PHACTR2: variants seen among roughly 807,000 people sequenced by gnomAD.
PHACTR2 encodes the protein phosphatase and actin regulator 2.
PHACTR2 carries 30 observed loss-of-function variants against 76.0 expected under a neutral mutation model. The observed-to-expected ratio is 0.39, with a 90% confidence interval of 0.30 to 0.54. The LOEUF is 0.54. PHACTR2 is among the 20% of genes least tolerant of loss of function. The pLI is 0.61. For missense variants in PHACTR2, 696 were observed against 781.1 expected (o/e 0.89, Z 1.30); for synonymous variants, 292 against 292.5 (o/e 1.00, Z 0.02).
At position 143,809,166 on chromosome 6, in the gene PHACTR2, T is replaced by C. The variant is rs1776124193; in HGVS notation, c.1922+2033T>C. 6.6e-6 allele frequency among the ~76,000 whole-genome samples: 1 copy of C among 152,226 alleles called. No individual in the cohort carries two copies. The highest frequency in any genetic ancestry group is 2.1e-4 in the South Asian group (1 of 4,836). On this transcript the variant is annotated intron_variant, in intron 12 of 12. Transcript: ENST00000440869. The surrounding 1 kb of genome is among the most constrained non-coding windows in gnomAD (Gnocchi z 4.2). Reference sequence around the variant, plus strand: ...CTTATCTTCATTTGATAGCATGATATAAAGAACAAATTACAGTCAAAAGGA... The same window carrying C: ...CTTATCTTCATTTGATAGCATGATACAAAGAACAAATTACAGTCAAAAGGA...
chr6:143,579,083 T>G (rs1318730440), intron 1 of PHACTR2, among the ~76,000 whole-genome samples: 1 of 152,112 alleles, frequency 6.6e-6, no homozygotes, highest in African/African-American at 2.4e-5. Flanking sequence ...TTTGTGTTTT[T>G]TGTAGAGATA....
intron 2 of PHACTR2, among the ~76,000 whole-genome samples, chr6:143,745,760 G>A (rs1386356169): frequency 4.6e-5 from 7 of 152,256 alleles, no homozygotes; most frequent in Non-Finnish European, 1.5e-5. Flanking sequence ...TATCCGCATT[G>A]TGTGTTAAAT....
rs779354526 is a variant in PHACTR2 at position 143,580,674 on chromosome 6, A to AAAAAT, written c.217+43482_217+43486dup. On this transcript the variant is annotated intron_variant, in intron 1 of 11. Transcript: ENST00000367584. This position sits in a 1 kb window ranked among gnomAD's most constrained non-coding sequence, Gnocchi z 4.2. Reference sequence around the variant, plus strand: ...GGTGACAGAGCAAGACTCCGTCTCAAAAAATAAAATAAAATAAAACAATAA... The same window carrying AAAAAT: ...GGTGACAGAGCAAGACTCCGTCTCAAAAAATAAAATAAAATAAAATAAAACAATAA... Among the ~76,000 whole-genome samples the AAAAAT allele has an allele frequency of 3.9e-5, 6 of 152,222 alleles. No individual in the cohort carries two copies. The highest frequency in any genetic ancestry group is 7.3e-5 in the Non-Finnish European group (5 of 68,034).
At chr6:143,741,021 G>C (rs1331600514) in intron 2 of PHACTR2, among the ~76,000 whole-genome samples, 1 of 152,242 alleles carries the variant, frequency 6.6e-6, no homozygotes, top group African/African-American at 2.4e-5. Context: ...GCTGAGGCAG[G>C]CGGATCACTT....
rs1466598769 is a variant in PHACTR2 at position 143,788,777 on chromosome 6, G to T, written c.1712G>T (p.Ser571Ile). Residue 571 changes from serine to isoleucine, a missense_variant, in exon 11 of 13, where the codon AGC (serine) becomes ATC (isoleucine). Ser to Ile is a moderately radical substitution (Grantham distance 142). This residue lies in a region of PHACTR2 where 236 missense variants were observed against 330.2 expected (regional missense o/e 0.71). Transcript: ENST00000440869. ...TTTTTCCTTGTCCTCCTGCAGCTCAGCCTGAGACCCACAGTGGCAGAGCTA... is the reference window on the plus strand; with the variant it reads ...TTTTTCCTTGTCCTCCTGCAGCTCATCCTGAGACCCACAGTGGCAGAGCTA... ...ELKRRLSRKL[S>I]LRPTVAELQA... 6.2e-7 allele frequency: 1 copy of T among 1,610,834 alleles called. No homozygotes were observed. The highest frequency in any genetic ancestry group is 1.7e-5 in the Admixed American group (1 of 59,952).
intron 2 of PHACTR2, among the ~76,000 whole-genome samples, chr6:143,736,611 G>A (rs1778826832): frequency 9.4e-6 from 1 of 106,156 alleles, no homozygotes; most frequent in African/African-American, 3.8e-5. Flanking sequence ...GCCTTGCTCT[G>A]TCACCCAGGC....
intron 1 of PHACTR2, among the ~76,000 whole-genome samples, chr6:143,692,741 G>A (rs1777674594): frequency 6.6e-6 from 1 of 152,210 alleles, no homozygotes; most frequent in Non-Finnish European, 1.5e-5. Flanking sequence ...CTGAGGTGGA[G>A]GTGAGGTTGA....
rs565047882 is a variant in PHACTR2, at chr6:143,627,197, A to G, written c.13+18875A>G. Among the ~76,000 whole-genome samples the G allele has an allele frequency of 3.5e-4, 54 of 152,302 alleles. No individual in the cohort carries two copies. The highest frequency in any genetic ancestry group is 1.3e-3 in the African/African-American group (52 of 41,564). On this transcript the variant is annotated intron_variant, in intron 1 of 11. Transcript: ENST00000305766. This position sits in a 1 kb window ranked among gnomAD's most constrained non-coding sequence, Gnocchi z 4.3. ...TAGGGGAGGCTCCAAGGGTGATGATATTTGGGCTGGGATGTTTGAAGAACA... is the reference window on the plus strand; with the variant it reads ...TAGGGGAGGCTCCAAGGGTGATGATGTTTGGGCTGGGATGTTTGAAGAACA...
Position 143,821,279 on chromosome 6 carries a change from T to C in PHACTR2, c.1923-2395T>C, listed in dbSNP as rs928638768. Among the ~76,000 whole-genome samples the C allele has an allele frequency of 6.6e-5, 10 of 152,374 alleles. No individual in the cohort carries two copies. The South Asian group carries it at 2.1e-3, about 32-fold the overall frequency. On this transcript the variant is annotated intron_variant, in intron 12 of 12. Transcript: ENST00000440869. This position sits in a 1 kb window ranked among gnomAD's most constrained non-coding sequence, Gnocchi z 5.2. ...TTTGTAAAGCTTGGTATATCTTATT[T>C]TTCTTTTGACTTTTGTCAAACACAG... is the stretch of plus-strand genomic sequence containing the variant.
In PHACTR2 at chr6:143,583,035, A is replaced by C. The variant is rs938876936; in HGVS notation, c.217+45828A>C. Reference sequence around the variant, plus strand: ...CACCATTCACATACTTTAATTAGAAACATCATAATGAGTCTTTCTATTTTG... The same window carrying C: ...CACCATTCACATACTTTAATTAGAACCATCATAATGAGTCTTTCTATTTTG... On this transcript the variant is annotated intron_variant, in intron 1 of 11. Transcript: ENST00000367584. The surrounding 1 kb of genome is among the most constrained non-coding windows in gnomAD (Gnocchi z 4.0). 6.6e-6 allele frequency among the ~76,000 whole-genome samples: 1 copy of C among 152,258 alleles called. No homozygotes were observed. The highest frequency in any genetic ancestry group is 1.5e-5 in the Non-Finnish European group (1 of 68,044).
chr6:143,660,436 G>A (rs1776928827), intron 1 of PHACTR2, among the ~76,000 whole-genome samples: 1 of 152,166 alleles, frequency 6.6e-6, no homozygotes. Context: ...CACAAGAACA[G>A]CACAGGAAAG....
chr6:143,729,040 C>T (rs1425517070), intron 2 of PHACTR2, among the ~76,000 whole-genome samples: 1 of 152,094 alleles, frequency 6.6e-6, no homozygotes. Flanking sequence ...AAGCAGTCAA[C>T]AGAGTGAAGA....
At chr6:143,721,504 C>T (rs557274479) in intron 2 of PHACTR2, among the ~76,000 whole-genome samples, 1 of 152,284 alleles carries the variant, frequency 6.6e-6, no homozygotes, top group South Asian at 2.1e-4. Context: ...TCAACCCTGT[C>T]TCCAGCAGCC....
chr6:143,737,464 T>C (rs560805274), intron 2 of PHACTR2, among the ~76,000 whole-genome samples: 38 of 152,064 alleles, frequency 2.5e-4, no homozygotes, highest in Non-Finnish European at 4.6e-4. Context: ...GTATGAAATA[T>C]TCTATTATAT....
At chr6:143,736,147 T>C (rs1415357862) in intron 2 of PHACTR2, among the ~76,000 whole-genome samples, 1 of 152,098 alleles carries the variant, frequency 6.6e-6, no homozygotes, top group South Asian at 2.1e-4. Flanking sequence ...TCCTGCCTCA[T>C]CCAGATAATT....
At position 143,537,826 on chromosome 6, in the gene PHACTR2, C is replaced by A. The variant is rs1380847225; in HGVS notation, c.217+619C>A. On this transcript the variant is annotated intron_variant, in intron 1 of 11. Transcript: ENST00000367584. This position sits in a 1 kb window ranked among gnomAD's most constrained non-coding sequence, Gnocchi z 4.4. ...TTAACATGTTTTGAAAAAGCCTCGG[C>A]CAGGAGCGGTGGCTCACGCCTGTAA... Among the ~76,000 whole-genome samples, 1 of 152,198 alleles carries A rather than the reference C, an allele frequency of 6.6e-6. No individual in the cohort carries two copies. Among genetic ancestry groups the A allele is most frequent in the Non-Finnish European group, 1.5e-5 (1 of 68,046 alleles).
At chr6:143,781,542 A>G (rs943034290) in intron 9 of PHACTR2, among the ~76,000 whole-genome samples, 10 of 152,364 alleles carry the variant, frequency 6.6e-5, no homozygotes, top group African/African-American at 1.9e-4. Flanking sequence ...AATGTCATCA[A>G]TATCACTAAC....
At chr6:143,545,587 G>A (rs1371608391) in intron 1 of PHACTR2, among the ~76,000 whole-genome samples, 6 of 152,170 alleles carry the variant, frequency 3.9e-5, no homozygotes, top group African/African-American at 1.4e-4. Context: ...AAGGAACCTG[G>A]TTTCAGAAGA....
upstream of PHACTR2, among the ~76,000 whole-genome samples, chr6:143,605,443 A>G (rs1277722795): frequency 6.6e-6 from 1 of 152,172 alleles, no homozygotes; most frequent in East Asian, 1.9e-4. The surrounding 1 kb of genome is among the most constrained non-coding windows in gnomAD (Gnocchi z 5.0). Context: ...TGTGGGTGTG[A>G]ATTAAATCAA....
Sources: allele counts gnomAD v4.1 joint callset (sites outside exome capture counted in the v4.1 genomes callset), GRCh38; gene constraint gnomAD v4.1.1; regional missense constraint gnomAD v4.1.1; non-coding constraint Gnocchi (gnomAD v3.1); transcripts MANE v1.5; gene names NCBI Gene and HGNC (gene_info 2026-07-23, HGNC 2026-07-21).